ZFPM2: variants seen among roughly 807,000 people sequenced by gnomAD.
ZFPM2 encodes the protein zinc finger protein, FOG family member 2.
ZFPM2 carries 20 observed loss-of-function variants against 98.6 expected under a neutral mutation model. The ratio of observed to expected loss-of-function variants is 0.20; its 90% confidence interval spans 0.14 to 0.29. The LOEUF (loss-of-function observed/expected upper bound fraction) is 0.29, where lower values mean the gene tolerates loss of function less well. ZFPM2 is among the 10% of genes least tolerant of loss of function. The pLI is 1.00. For missense variants in ZFPM2, 1,310 were observed against 1,388.6 expected (o/e 0.94, Z 0.90); for synonymous variants, 518 against 502.7 (o/e 1.03, Z -0.41).
At chr8:105,678,644 T>C (rs1302560636) in intron 5 of ZFPM2, 2 of 152,220 alleles carry the variant, frequency 1.3e-5, no homozygotes, top group Non-Finnish European at 2.9e-5. Flanking sequence ...AATTGCTATA[T>C]GGTAATTTTA....
chr8:105,647,044 C>A (rs1168137526), intron 5 of ZFPM2, among the ~76,000 whole-genome samples: 1 of 152,188 alleles, frequency 6.6e-6, no homozygotes, highest in South Asian at 2.1e-4. Context: ...TTTAGCTCCA[C>A]TGCTCATCCT....
At chr8:105,521,953 G>T (rs959045182) in intron 3 of ZFPM2, among the ~76,000 whole-genome samples, 2 of 152,148 alleles carry the variant, frequency 1.3e-5, no homozygotes, top group African/African-American at 4.8e-5. Context: ...TTATGTAAGT[G>T]CAATAATTAG....
At chr8:105,706,519 AT>A (rs1284446184) in intron 5 of ZFPM2, among the ~76,000 whole-genome samples, 3 of 152,080 alleles carry the variant, frequency 2.0e-5, no homozygotes, top group South Asian at 4.2e-4. Context: ...TTGTTTTTAT[AT>A]TTTTTTGTTC....
intron 5 of ZFPM2, among the ~76,000 whole-genome samples, chr8:105,731,730 A>G (rs527972713): frequency 1.2e-4 from 18 of 151,830 alleles, no homozygotes; most frequent in East Asian, 9.8e-4. Context: ...TGTAAGTTCA[A>G]TTTTCAGAAT....
intron 5 of ZFPM2, among the ~76,000 whole-genome samples, chr8:105,703,761 C>A (rs1289497227): frequency 6.6e-6 from 1 of 152,178 alleles, no homozygotes; most frequent in Non-Finnish European, 1.5e-5. Flanking sequence ...AAAATCATTT[C>A]TTTGCATAGG....
intron 5 of ZFPM2, among the ~76,000 whole-genome samples, chr8:105,748,226 TTATC>T (rs1312813856): frequency 1.3e-5 from 2 of 152,048 alleles, no homozygotes; most frequent in African/African-American, 4.8e-5. Context: ...CTTAATCAGT[TTATC>T]TACTTCTTTG....
At chr8:105,398,050 T>A (rs1006317528) in intron 1 of ZFPM2, among the ~76,000 whole-genome samples, 14 of 152,146 alleles carry the variant, frequency 9.2e-5, no homozygotes, top group African/African-American at 3.4e-4. Flanking sequence ...ATTCATGTAT[T>A]TTTTAAAAAA....
At chr8:105,596,800 G>A (rs1292792271) in intron 4 of ZFPM2, among the ~76,000 whole-genome samples, 13 of 140,416 alleles carry the variant, frequency 9.3e-5, no homozygotes, top group Non-Finnish European at 1.5e-5. Context: ...AGATAGAGCA[G>A]ATAGGGAAAG....
chr8:105,519,296 T>G (rs1161403176), intron 3 of ZFPM2, among the ~76,000 whole-genome samples: 1 of 152,158 alleles, frequency 6.6e-6, no homozygotes, highest in Non-Finnish European at 1.5e-5. Flanking sequence ...TTTTATATGG[T>G]TTTGATAATC....
intron 4 of ZFPM2, among the ~76,000 whole-genome samples, chr8:105,599,469 A>C (rs1182565039): frequency 1.3e-5 from 2 of 151,730 alleles, no homozygotes; most frequent in Non-Finnish European, 1.5e-5. Context: ...CTGGTCAGCA[A>C]GATATCATTA....
intron 2 of ZFPM2, among the ~76,000 whole-genome samples, chr8:105,426,099 A>G (rs1479334050): frequency 6.6e-6 from 1 of 152,092 alleles, no homozygotes; most frequent in Admixed American, 6.5e-5. Context: ...CTGGAATCAG[A>G]AACTGCATAA....
intron 2 of ZFPM2, among the ~76,000 whole-genome samples, chr8:105,434,514 A>AT (rs1413598908): frequency 6.6e-5 from 10 of 152,166 alleles, no homozygotes; most frequent in African/African-American, 2.4e-4. Context: ...AAGCTCACAC[A>AT]TTTTTCATCT....
chr8:105,647,091 T>A (rs1586171767), intron 5 of ZFPM2, among the ~76,000 whole-genome samples: 1 of 152,304 alleles, frequency 6.6e-6, no homozygotes, highest in African/African-American at 2.4e-5. Context: ...CTTCCTGATC[T>A]GTTTTGGGAT....
At chr8:105,544,361 AC>A (rs1814646334) in intron 3 of ZFPM2, among the ~76,000 whole-genome samples, 1 of 151,954 alleles carries the variant, frequency 6.6e-6, no homozygotes, top group African/African-American at 2.4e-5. Flanking sequence ...AGTCTTCCTT[AC>A]CCTCCCCTAA....
intron 2 of ZFPM2, among the ~76,000 whole-genome samples, chr8:105,441,434 A>AAGAGAGAGAGAGAGAGAGAGAG (rs35365518): frequency 1.1e-5 from 1 of 94,994 alleles, no homozygotes; most frequent in African/African-American, 6.2e-5. Flanking sequence ...GAAAGAAAGA[A>AAGAGAGAGAGAGAGAGAGAGAG]AGAGAGAGAG....
chr8:105,493,721 T>C lies in ZFPM2; in HGVS notation c.301+49340T>C, dbSNP rs540924981. 6.6e-5 allele frequency among the ~76,000 whole-genome samples: 10 copies of C among 152,288 alleles called. No individual in the cohort carries two copies. The South Asian group carries it at 8.3e-4, about 13-fold the overall frequency. Reference sequence around the variant, plus strand: ...TCCCATAGATAGATAGATCTATCAATAGTCAGACAAGCAGTTAATCTGTCC... The same window carrying C: ...TCCCATAGATAGATAGATCTATCAACAGTCAGACAAGCAGTTAATCTGTCC... On this transcript the variant is annotated intron_variant, in intron 3 of 7. Transcript: ENST00000407775.
At chr8:105,474,394 T>C (rs1185380039) in intron 3 of ZFPM2, among the ~76,000 whole-genome samples, 2 of 152,132 alleles carry the variant, frequency 1.3e-5, no homozygotes, top group African/African-American at 2.4e-5. Context: ...TGGGGAAGAG[T>C]GAATCCACTG....
intron 3 of ZFPM2, among the ~76,000 whole-genome samples, chr8:105,477,497 C>T (rs1299804091): frequency 6.6e-6 from 1 of 151,984 alleles, no homozygotes; most frequent in African/African-American, 2.4e-5. Context: ...CCCACCTCAG[C>T]CTCCCAAAGT....
rs1198498959 is a variant in ZFPM2, at chr8:105,319,376, GAACCACTTTTAGT to G, written c.40+401_40+413del. ...GCGATTGACGTGGGACTACTCTTGG[GAACCACTTTTAGT>G]AACCAGGGTAGAAACTTCTCAGAAA... On this transcript the variant is annotated intron_variant, in intron 1 of 7. Coordinates refer to ENST00000407775, the MANE Select transcript of ZFPM2 (RefSeq NM_012082.4). Among the ~76,000 whole-genome samples the G allele has an allele frequency of 2.6e-5, 4 of 152,168 alleles. No individual in the cohort carries two copies. The East Asian group carries it at 7.8e-4, about 29-fold the overall frequency.
Sources: gnomAD v4.1 joint callset for allele counts (sites outside exome capture counted in the v4.1 genomes callset) on GRCh38, gnomAD v4.1.1 for gene constraint, MANE v1.5 for transcripts, NCBI Gene and HGNC (gene_info 2026-07-23, HGNC 2026-07-21) for gene names.